The following GABBR2 variants were observed in gnomAD, a reference collection of about 807,000 sequenced individuals.
The protein encoded by GABBR2 is G-protein coupled receptor 51.
Under a neutral mutation model 105.6 loss-of-function variants are expected in GABBR2, and 23 were observed. The observed-to-expected ratio is 0.22, with a 90% CI of 0.16 to 0.31. GABBR2 has a LOEUF of 0.31. Among genes scored for constraint, GABBR2 ranks in the 10% least tolerant of loss-of-function variants. The pLI is 1.00. For synonymous variants in GABBR2, 478 were observed against 499.7 expected, an observed-to-expected ratio of 0.96 and a Z score of 0.58; for missense variants, 734 against 1,245.5, an observed-to-expected ratio of 0.59 and a Z score of 6.18.
At chr9:98,633,212 A>G (rs1005235684) in intron 1 of GABBR2, among the ~76,000 whole-genome samples, 1 of 152,166 alleles carries the variant, frequency 6.6e-6, no homozygotes, top group Non-Finnish European at 1.5e-5. Context: ...GAGAAGTGTG[A>G]GAAGTGCTAT....
chr9:98,399,597 G>T (rs1412138716), intron 8 of GABBR2, among the ~76,000 whole-genome samples: 1 of 152,162 alleles, frequency 6.6e-6, no homozygotes, highest in African/African-American at 2.4e-5. Context: ...TACCCAACCA[G>T]TGCCAGCCAG....
chr9:98,362,046 C>A (rs943774571), intron 13 of GABBR2, among the ~76,000 whole-genome samples: 3 of 152,070 alleles, frequency 2.0e-5, no homozygotes, highest in African/African-American at 4.8e-5. Context: ...TACACTCTAC[C>A]GAAATCCTAC....
chr9:98,404,048 G>A (rs1412537924), intron 8 of GABBR2, among the ~76,000 whole-genome samples: 1 of 151,300 alleles, frequency 6.6e-6, no homozygotes, highest in African/African-American at 2.4e-5. Flanking sequence ...TGAAGCTGGT[G>A]TTTAAACCTA....
intron 6 of GABBR2, among the ~76,000 whole-genome samples, chr9:98,455,960 C>T (rs1464663111): frequency 6.6e-6 from 1 of 152,188 alleles, no homozygotes; most frequent in African/African-American, 2.4e-5. Flanking sequence ...CTTGGAAATG[C>T]ATCCTCTCTA....
At chr9:98,297,979 T>C (rs1372976239) in intron 17 of GABBR2, among the ~76,000 whole-genome samples, 2 of 150,446 alleles carry the variant, frequency 1.3e-5, no homozygotes, top group Admixed American at 1.3e-4. Flanking sequence ...AGTGAGAAGG[T>C]TGCAGTGAGC....
At chr9:98,338,374 C>T (rs1831152035) in intron 13 of GABBR2, among the ~76,000 whole-genome samples, 1 of 152,100 alleles carries the variant, frequency 6.6e-6, no homozygotes, top group Admixed American at 6.5e-5. Context: ...AATTATATAT[C>T]TGACAAAGGC....
At chr9:98,615,331 C>T (rs1829566318) in intron 1 of GABBR2, among the ~76,000 whole-genome samples, 1 of 152,228 alleles carries the variant, frequency 6.6e-6, no homozygotes, top group South Asian at 2.1e-4. Flanking sequence ...TATCTCAGCA[C>T]AGTAACAGGT....
intron 13 of GABBR2, among the ~76,000 whole-genome samples, chr9:98,339,982 C>A (rs1189728841): frequency 6.6e-6 from 1 of 152,068 alleles, no homozygotes; most frequent in East Asian, 1.9e-4. Flanking sequence ...GCATTCTGGG[C>A]AATGAGATAT....
chr9:98,310,143 T>C (rs1448594887), intron 14 of GABBR2, among the ~76,000 whole-genome samples: 1 of 152,158 alleles, frequency 6.6e-6, no homozygotes, highest in African/African-American at 2.4e-5. Flanking sequence ...TTATATAGGA[T>C]ATAGGAGAGA....
intron 1 of GABBR2, among the ~76,000 whole-genome samples, chr9:98,662,456 TG>T (rs1421543031): frequency 6.6e-6 from 1 of 151,772 alleles, no homozygotes; most frequent in Non-Finnish European, 1.5e-5. Context: ...TTCAGAGGAG[TG>T]TGAAAATCGA....
intron 14 of GABBR2, among the ~76,000 whole-genome samples, chr9:98,308,167 G>C (rs1252089595): frequency 6.6e-6 from 1 of 152,188 alleles, no homozygotes; most frequent in Non-Finnish European, 1.5e-5. Context: ...CCAGGAGGCG[G>C]AGGTTGCAGT....
Position 98,539,234 on chromosome 9 carries a change from C to T in GABBR2, c.630+2639G>A, listed in dbSNP as rs138658946. On this transcript the variant is annotated intron_variant, in intron 3 of 18. Coordinates refer to ENST00000259455, the MANE Select transcript of GABBR2 (RefSeq NM_005458.8). ...CCCATCTGTAAAATGGGAACCATCA[C>T]TCCTCCTTACAGGGTGGCTGTCTGT... is the stretch of plus-strand genomic sequence containing the variant. 2.0e-5 allele frequency among the ~76,000 whole-genome samples: 3 copies of T among 152,364 alleles called. No homozygotes were observed. In the East Asian group the frequency reaches 5.8e-4, roughly 29 times the overall value.
In GABBR2 at chr9:98,290,398, T is replaced by C. The variant is rs915640125; in HGVS notation, c.*186A>G. 2.9e-6 allele frequency: 1 copy of C among 350,156 alleles called. No individual in the cohort carries two copies. The highest frequency in any genetic ancestry group is 2.1e-5 in the African/African-American group (1 of 47,466). 21.7% of individuals were successfully genotyped at this position (350,156 alleles called of 1,614,324 possible). A position where few individuals can be genotyped will look rare whatever the true frequency, so the allele number is the denominator to read the frequency against. ...GAAATAAGGACTTCACAAATAAGGCTCGAGGTCAGGTGCCAAGTCTCCCCC... is the reference window on the plus strand; with the variant it reads ...GAAATAAGGACTTCACAAATAAGGCCCGAGGTCAGGTGCCAAGTCTCCCCC... On this transcript the variant is annotated 3_prime_UTR_variant, in exon 19 of 19. Transcript: ENST00000259455.
At position 98,319,663 on chromosome 9, in the gene GABBR2, C is replaced by G. The variant is rs143230452; in HGVS notation, c.1894-8458G>C. Among the ~76,000 whole-genome samples the G allele has an allele frequency of 4.1e-3, 625 of 152,154 alleles. 3 individuals carry two copies. Among genetic ancestry groups the G allele is most frequent in the African/African-American group, 0.015 (606 of 41,512 alleles). On this transcript the variant is annotated intron_variant, in intron 13 of 18. Coordinates refer to ENST00000259455, the MANE Select transcript of GABBR2 (RefSeq NM_005458.8). Reference sequence around the variant, plus strand: ...GAATGTCCTCTAGTCACTGTGACAGCCCTGATCTCCCTCCCGTCTCCCCAT... The same window carrying G: ...GAATGTCCTCTAGTCACTGTGACAGGCCTGATCTCCCTCCCGTCTCCCCAT...
chr9:98,502,801 T>G (rs1827430567), intron 3 of GABBR2, among the ~76,000 whole-genome samples: 1 of 152,214 alleles, frequency 6.6e-6, no homozygotes, highest in African/African-American at 2.4e-5. Context: ...AATTCTCTCA[T>G]GCCCAGTCAC....
chr9:98,400,257 A>G (rs762799843), intron 8 of GABBR2, among the ~76,000 whole-genome samples: 11 of 152,102 alleles, frequency 7.2e-5, no homozygotes, highest in Non-Finnish European at 1.5e-4. Flanking sequence ...CAATTAACAA[A>G]TGACTAATAA....
intron 3 of GABBR2, among the ~76,000 whole-genome samples, chr9:98,507,827 A>ATGCCTAGCACAGGGGC (rs1342428551): frequency 6.6e-6 from 1 of 152,158 alleles, no homozygotes; most frequent in African/African-American, 2.4e-5. Flanking sequence ...GCCCCTCCAG[A>ATGCCTAGCACAGGGGC]TGCCTAGCAC....
chr9:98,496,530 A>G lies in GABBR2; in HGVS notation c.631-16T>C. 2 of 1,567,016 alleles carry G rather than the reference A, an allele frequency of 1.3e-6. No individual in the cohort carries two copies. Among genetic ancestry groups the G allele is most frequent in the Non-Finnish European group, 1.8e-6 (2 of 1,137,478 alleles). On this transcript the variant is annotated splice_polypyrimidine_tract_variant and intron_variant, in intron 3 of 18. Transcript: ENST00000259455. ...CATTCCGCACCTGTCAGCAAAGAGA[A>G]AGCAGAGGGTGGGTGTGCTGGGGAC...
rs1192771085 is a variant in GABBR2 at position 98,454,694 on chromosome 9, CA to C, written c.1000-478del. The stretch of plus-strand genomic sequence containing the variant: ...GGATCTGGAAGGCCAAGCTGGAATT[CA>C]GAATTCTGGGACTTCTCTGAGTTTC... On this transcript the variant is annotated intron_variant, in intron 6 of 18. Coordinates refer to ENST00000259455, the MANE Select transcript of GABBR2 (RefSeq NM_005458.8). This position sits in a 1 kb window ranked among gnomAD's most constrained non-coding sequence, Gnocchi z 4.6. Among the ~76,000 whole-genome samples, 1 of 152,162 alleles carries C rather than the reference CA, an allele frequency of 6.6e-6. No homozygotes were observed. Among genetic ancestry groups the C allele is most frequent in the Non-Finnish European group, 1.5e-5 (1 of 68,030 alleles).
Sources: gnomAD v4.1 joint callset for allele counts (sites outside exome capture counted in the v4.1 genomes callset) on GRCh38, gnomAD v4.1.1 for gene constraint, Gnocchi (gnomAD v3.1) non-coding constraint, MANE v1.5 for transcripts, NCBI Gene and HGNC (gene_info 2026-07-23, HGNC 2026-07-21) for gene names.